Variants in DDX31 observed in about 807,000 individuals in gnomAD.
DDX31 encodes ATP-dependent DNA helicase DDX31.
A neutral mutation model predicts 91.3 loss-of-function variants in DDX31; 70 were observed. The ratio of observed to expected loss-of-function variants is 0.77; its 90% CI spans 0.63 to 0.94. The LOEUF (loss-of-function observed/expected upper bound fraction) is 0.94. DDX31 is among the 40% of genes least tolerant of loss of function. The pLI is 0.00. For synonymous variants in DDX31, 362 were observed against 350.6 expected, an observed-to-expected ratio of 1.03 and a Z score of -0.36; for missense variants, 902 against 925.0, an observed-to-expected ratio of 0.98 and a Z score of 0.32.
At chr9:132,604,338 G>A (rs1830888227) in intron 19 of DDX31, among the ~76,000 whole-genome samples, 1 of 152,132 alleles carries the variant, frequency 6.6e-6, no homozygotes, top group Admixed American at 6.5e-5. Context: ...TTATTCTTAA[G>A]AGAAATGCCC....
At chr9:132,615,226 C>T (rs531830578) in intron 18 of DDX31, among the ~76,000 whole-genome samples, 4 of 152,146 alleles carry the variant, frequency 2.6e-5, no homozygotes, top group Non-Finnish European at 5.9e-5. Context: ...ACACATCGTC[C>T]TTTTTCATTC....
At chr9:132,640,904 T>A (rs981697357) in intron 14 of DDX31, among the ~76,000 whole-genome samples, 1 of 152,170 alleles carries the variant, frequency 6.6e-6, no homozygotes, top group Non-Finnish European at 1.5e-5. Context: ...ATCTGACTCG[T>A]GGATGGGCCT....
intron 17 of DDX31, among the ~76,000 whole-genome samples, chr9:132,622,872 T>G (rs1832130496): frequency 6.6e-6 from 1 of 152,232 alleles, no homozygotes; most frequent in African/African-American, 2.4e-5. Context: ...GGCTCATGCT[T>G]GTAATCCCAG....
chr9:132,615,140 T>C (rs1589990143), intron 18 of DDX31, among the ~76,000 whole-genome samples: 1 of 152,328 alleles, frequency 6.6e-6, no homozygotes, highest in East Asian at 1.9e-4. Flanking sequence ...CACTTTGCAG[T>C]CACTGATTCC....
chr9:132,653,488 C>CA (rs1481297669), intron 6 of DDX31, among the ~76,000 whole-genome samples: 2 of 9,348 alleles, frequency 2.1e-4, no homozygotes, highest in East Asian at 3.8e-3. Context: ...GTGAAAAACT[C>CA]AGTCTCAAAA....
chr9:132,612,143 A>G lies in DDX31; in HGVS notation c.1938T>C (p.Asp646=), dbSNP rs150568440. The change falls in exon 19 of 20, where the codon GAT becomes GAC. Residue 646 remains aspartate, a synonymous_variant. Transcript: ENST00000372159. ...TCAAGGCACTAAGATTCCTGGGGGC[A>G]TCTCTTAGTCCGAAGCTCTTCGCCA... ...GHVAKSFGLR[D]APRNLSALTR... The G allele has an allele frequency of 1.0e-4, 167 of 1,614,216 alleles. 1 individual carries two copies. The African/African-American group carries it at 2.0e-3, about 19-fold the overall frequency.
In DDX31 at chr9:132,660,951, C is replaced by T. The variant is rs895981544; in HGVS notation, c.452+257G>A. 6 of 475,824 alleles carry T rather than the reference C, an allele frequency of 1.3e-5. No individual in the cohort carries two copies. The South Asian group carries it at 1.8e-4, about 14-fold the overall frequency. The allele number at this position is 475,824 out of a possible 1,614,324, so 29.5% of individuals were successfully genotyped here. A position where few individuals can be genotyped will look rare whatever the true frequency, so the allele number is the denominator to read the frequency against. On this transcript the variant is annotated intron_variant, in intron 4 of 19. Transcript: ENST00000372159. ...TTCAGGGAAGCACAGAAAACAGCGG[C>T]GCTCATGCAGCCCACCTTCTGGATG...
chr9:132,632,135 C>A (rs1416741359), intron 14 of DDX31, 44 bp from the exon 15 acceptor site: 2 of 1,581,406 alleles, frequency 1.3e-6, no homozygotes, highest in African/African-American at 1.4e-5. Flanking sequence ...AGTTTCTGAA[C>A]CTTTCTGGGG....
At chr9:132,624,887 C>T (rs962898568) in intron 17 of DDX31, among the ~76,000 whole-genome samples, 2 of 152,206 alleles carry the variant, frequency 1.3e-5, no homozygotes, top group South Asian at 4.1e-4. Flanking sequence ...CAGGCACATG[C>T]TAAAGCATGA....
chr9:132,661,088 G>T, intron 4 of DDX31, 120 bp downstream of exon 4: 1 of 831,440 alleles, frequency 1.2e-6, no homozygotes. Flanking sequence ...CTTTATGGTC[G>T]ATAACCTGGC....
Position 132,669,874 on chromosome 9 carries a change from C to T in DDX31, c.61G>A (p.Ala21Thr). ...TCAGAACTCACCCGACTCGCCTGGGCTGGGGGACGTCTGGAGAACGTCCTG... is the reference window on the plus strand; with the variant it reads ...TCAGAACTCACCCGACTCGCCTGGGTTGGGGGACGTCTGGAGAACGTCCTG... ...NPRTFSRRPP[A>T]QASRQAKATK... is the part of the protein sequence containing the mutation. Residue 21 changes from alanine (A) to threonine (T), a missense_variant, in exon 1 of 20, where the codon GCC (alanine) becomes ACC (threonine). Coordinates refer to ENST00000372159, the MANE Select transcript of DDX31 (RefSeq NM_022779.9). 1 of 1,591,776 alleles carries T rather than the reference C, an allele frequency of 6.3e-7. No homozygotes were observed.
Position 132,594,786 on chromosome 9 carries a change from A to G in DDX31, c.*80T>C. The G allele has an allele frequency of 6.4e-7, 1 of 1,556,236 alleles. No homozygotes were observed. Among genetic ancestry groups the G allele is most frequent in the Non-Finnish European group, 8.7e-7 (1 of 1,153,150 alleles). On this transcript the variant is annotated 3_prime_UTR_variant, in exon 20 of 20. Transcript: ENST00000372159. ...AGGCAAAGGCGCAGTTATTTTTCAC[A>G]AGCCTCCTCTGACAAGAACTGGACA...
intron 19 of DDX31, among the ~76,000 whole-genome samples, chr9:132,611,623 T>C (rs905648437): frequency 1.3e-5 from 2 of 152,126 alleles, no homozygotes; most frequent in African/African-American, 4.8e-5. Flanking sequence ...CGCTCTTGCC[T>C]TGATGAGCGC....
intron 17 of DDX31, among the ~76,000 whole-genome samples, chr9:132,619,713 CAGG>C (rs1831888877): frequency 6.6e-6 from 1 of 152,054 alleles, no homozygotes; most frequent in African/African-American, 2.4e-5. Flanking sequence ...GCTAAAATGT[CAGG>C]AGAAGAGTCA....
intron 18 of DDX31, among the ~76,000 whole-genome samples, chr9:132,616,439 T>A (rs181396587): frequency 1.5e-4 from 23 of 152,320 alleles, no homozygotes; most frequent in Non-Finnish European, 3.4e-4. Flanking sequence ...TAACTTCCAC[T>A]CAGATGACCG....
chr9:132,605,782 C>G (rs1830977519), intron 19 of DDX31, among the ~76,000 whole-genome samples: 1 of 152,166 alleles, frequency 6.6e-6, no homozygotes. Context: ...TGAGGCTGAA[C>G]AATCAGCAAA....
At chr9:132,602,753 A>C (rs1259896436) in intron 19 of DDX31, among the ~76,000 whole-genome samples, 1 of 152,220 alleles carries the variant, frequency 6.6e-6, no homozygotes, top group Non-Finnish European at 1.5e-5. Context: ...ACAAAAGCTA[A>C]TGTACTAAAA....
intron 1 of DDX31, chr9:132,663,387 A>G: frequency 1.0e-6 from 1 of 985,278 alleles, no homozygotes; most frequent in Non-Finnish European, 1.2e-6. Flanking sequence ...TTGCCTTTCG[A>G]GTCTCTGAGT....
rs985860557 is a variant in DDX31, at chr9:132,650,950, G to A, written c.675+125C>T. On this transcript the variant is annotated intron_variant, in intron 8 of 19. Transcript: ENST00000372159. ...AAAACCTATAAACTGCCTAGAGAGAGCAGAGATATCCAGGCAAAAGGAAAT... is the reference window on the plus strand; with the variant it reads ...AAAACCTATAAACTGCCTAGAGAGAACAGAGATATCCAGGCAAAAGGAAAT... 7 of 968,596 alleles carry A rather than the reference G, an allele frequency of 7.2e-6. No individual in the cohort carries two copies. The Admixed American group carries it at 1.7e-4, about 24-fold the overall frequency. 60.0% of individuals were successfully genotyped at this position (968,596 alleles called of 1,614,324 possible).
Sources: gnomAD v4.1 joint callset for allele counts (sites outside exome capture counted in the v4.1 genomes callset) on GRCh38, gnomAD v4.1.1 for gene constraint, MANE v1.5 for transcripts, NCBI Gene and HGNC (gene_info 2026-07-23, HGNC 2026-07-21) for gene names.